Variants in SENP3 observed in about 807,000 individuals in gnomAD.
SENP3 encodes sentrin-specific protease 3.
Under a neutral mutation model 66.2 loss-of-function variants are expected in SENP3, and 11 were observed. That is an observed-to-expected ratio of 0.17 (90% CI 0.10 to 0.28). SENP3 has a LOEUF of 0.28. Ranked by LOEUF, SENP3 falls within the 10% of genes least tolerant of loss-of-function variation. SENP3 has a pLI of 1.00. For missense variants in SENP3, 548 were observed against 743.7 expected (o/e 0.74, Z 3.06); for synonymous variants, 292 against 277.6 (o/e 1.05, Z -0.52).
intron 6 of SENP3, 64 bp downstream of exon 6, chr17:7,565,828 C>T (rs765658171): frequency 7.6e-5 from 104 of 1,375,926 alleles, no homozygotes; most frequent in Non-Finnish European, 1.0e-4. Context: ...GCTTTTTAAG[C>T]TCCTTTCATC....
intron 6 of SENP3, chr17:7,566,120 T>C (rs2071265646): frequency 5.3e-6 from 1 of 189,376 alleles, no homozygotes; most frequent in Non-Finnish European, 1.1e-5. Context: ...GGCGGGTGGA[T>C]CACCTGAGGT....
At chr17:7,567,519 CAA>C (rs556802728) in intron 7 of SENP3, among the ~76,000 whole-genome samples, 6 of 120,010 alleles carry the variant, frequency 5.0e-5, no homozygotes, top group Admixed American at 8.6e-5. Flanking sequence ...AACTCCGTCT[CAA>C]AAAAAAAAAA....
At chr17:7,569,021 C>T (rs556326843) in intron 7 of SENP3, among the ~76,000 whole-genome samples, 1 of 152,268 alleles carries the variant, frequency 6.6e-6, no homozygotes, top group South Asian at 2.1e-4. Context: ...GGAGAGAAAG[C>T]CCCACAAACA....
intron 2 of SENP3, 102 bp downstream of exon 2, chr17:7,563,893 G>T: frequency 9.6e-7 from 1 of 1,042,970 alleles, no homozygotes; most frequent in Non-Finnish European, 1.4e-6. Context: ...TGGGCTTAAG[G>T]AAAGTAGGAT....
At position 7,571,397 on chromosome 17, in the gene SENP3, C is replaced by G; in HGVS notation, c.1639C>G (p.Gln547Glu). ...GTACTGCAAGCATCTGGCCCTGTCT[C>G]AGCCATTCAGCTTCACCCAGCAGGA... ...LQYCKHLALS[Q>E]PFSFTQQDMP... The change falls in exon 11 of 11, where the codon CAG becomes GAG. Residue 547 changes from glutamine (Q) to glutamate (E), a missense_variant. By Grantham distance (29) the Gln-to-Glu change is conservative. This residue lies in a region of SENP3 where 81 missense variants were observed against 139.8 expected (regional missense o/e 0.58). Coordinates refer to ENST00000321337, the MANE Select transcript of SENP3 (RefSeq NM_015670.6). 1.9e-6 allele frequency: 3 copies of G among 1,609,338 alleles called. No homozygotes were observed. Among genetic ancestry groups the G allele is most frequent in the South Asian group, 2.2e-5 (2 of 90,268 alleles).
intron 2 of SENP3, 34 bp downstream of exon 2, chr17:7,563,825 A>C: frequency 4.2e-4 from 275 of 656,938 alleles, no homozygotes; most frequent in Middle Eastern, 1.4e-3. Context: ...GTTGCGGGGG[A>C]GGGGTTAGGG....
chr17:7,567,725 G>C (rs539328805), intron 7 of SENP3, among the ~76,000 whole-genome samples: 3 of 152,228 alleles, frequency 2.0e-5, no homozygotes, highest in Non-Finnish European at 4.4e-5. Context: ...TGTAGTTGGC[G>C]CAGAGTGAGC....
In SENP3 at chr17:7,570,705, G is replaced by C; in HGVS notation, c.1504G>C (p.Glu502Gln). ...GCATATTGCCAAGTATCTACAGGCA[G>C]AGGCGGTAAAGAAAGACCGACTGGA... ...PKHIAKYLQA[E>Q]AVKKDRLDFH... Residue 502 changes from glutamate to glutamine, a missense_variant, in exon 9 of 11, where the codon GAG (glutamate) becomes CAG (glutamine). This residue lies in a region of SENP3 where 81 missense variants were observed against 139.8 expected (regional missense o/e 0.58). Coordinates refer to ENST00000321337, the MANE Select transcript of SENP3 (RefSeq NM_015670.6). This position sits in a 1 kb window ranked among gnomAD's most constrained non-coding sequence, Gnocchi z 5.4. 6.2e-7 allele frequency: 1 copy of C among 1,613,114 alleles called. No homozygotes were observed. Among genetic ancestry groups the C allele is most frequent in the African/African-American group, 1.3e-5 (1 of 75,024 alleles).
intron 3 of SENP3, 26 bp from the exon 4 acceptor site, chr17:7,564,932 AC>A: frequency 1.2e-6 from 2 of 1,608,726 alleles, no homozygotes; most frequent in Non-Finnish European, 8.5e-7. Context: ...TGGAGGCCTC[AC>A]CCCCTCCTCT....
At chr17:7,564,395 C>T (rs976646608) in intron 2 of SENP3, 15 of 700,872 alleles carry the variant, frequency 2.1e-5, no homozygotes, top group Admixed American at 1.7e-4. Flanking sequence ...CTTTTTCTTT[C>T]TTCCTGTCTA....
Position 7,563,373 on chromosome 17 carries a change from C to G in SENP3, c.297C>G (p.Pro99=). The G allele has an allele frequency of 6.4e-7, 1 of 1,551,316 alleles. No homozygotes were observed. The highest frequency in any genetic ancestry group is 8.7e-7 in the Non-Finnish European group (1 of 1,147,014). Residue 99 remains proline, a synonymous_variant, in exon 2 of 11, where the codon CCC becomes CCG. Coordinates refer to ENST00000321337, the MANE Select transcript of SENP3 (RefSeq NM_015670.6). ...EEEEVAAWRL[P]PRWSQLGTSQ... ...AGGAAGTGGCAGCTTGGAGGCTGCC[C>G]CCAAGATGGAGTCAGCTGGGAACCT...
intron 4 of SENP3, 113 bp downstream of exon 4, chr17:7,565,183 G>A (rs2071258161): frequency 5.5e-6 from 5 of 912,764 alleles, no homozygotes; most frequent in Non-Finnish European, 6.8e-6. Context: ...AGCTAGAGCT[G>A]AAGGGGAGGA....
chr17:7,570,500 G>C lies in SENP3; in HGVS notation c.1479+7G>C, dbSNP rs150615265. On this transcript the variant is annotated splice_region_variant and intron_variant, in intron 8 of 10. Coordinates refer to ENST00000321337, the MANE Select transcript of SENP3 (RefSeq NM_015670.6). The surrounding 1 kb of genome is among the most constrained non-coding windows in gnomAD (Gnocchi z 5.4). ...AAACCGCCGCTGCCCTAAGGTTTGA[G>C]GGGGTAGGAGAGAGATGGGCAAAAT... 6 of 1,609,938 alleles carry C rather than the reference G, an allele frequency of 3.7e-6. No individual in the cohort carries two copies. Among genetic ancestry groups the C allele is most frequent in the Middle Eastern group, 1.7e-4 (1 of 5,974 alleles).
intron 7 of SENP3, among the ~76,000 whole-genome samples, chr17:7,569,903 C>T (rs147080850): frequency 6.6e-6 from 1 of 152,198 alleles, no homozygotes; most frequent in Non-Finnish European, 1.5e-5. Context: ...TGGATAGTCA[C>T]TAGTTTAATC....
intron 6 of SENP3, 75 bp downstream of exon 6, chr17:7,565,839 TC>T: frequency 7.7e-7 from 1 of 1,302,520 alleles, no homozygotes; most frequent in South Asian, 1.2e-5. Context: ...TCCTTTCATC[TC>T]TTTCATTTTA....
rs2071319799 is a variant in SENP3, at chr17:7,571,842, TATATA to T, written c.*360_*364del. ...CCTGCCAGATCTTCAAACTTTTATA[TATATA>T]TATATATATATATATATATATATAT... On this transcript the variant is annotated 3_prime_UTR_variant, in exon 11 of 11. Coordinates refer to ENST00000321337, the MANE Select transcript of SENP3 (RefSeq NM_015670.6). 2.0e-4 allele frequency: 4 copies of T among 19,952 alleles called. No homozygotes were observed. Among genetic ancestry groups the T allele is most frequent in the Non-Finnish European group, 2.3e-4 (3 of 13,058 alleles). The allele number at this position is 19,952 out of a possible 1,614,324, so 1.2% of individuals were successfully genotyped here.
chr17:7,566,818 G>A, intron 6 of SENP3, 109 bp from the exon 7 acceptor site: 4 of 828,812 alleles, frequency 4.8e-6, no homozygotes, highest in Non-Finnish European at 5.9e-6. Context: ...AAAAAAAAAA[G>A]AAAAAACCCA....
At chr17:7,569,341 C>T (rs1009352872) in intron 7 of SENP3, among the ~76,000 whole-genome samples, 9 of 144,446 alleles carry the variant, frequency 6.2e-5, no homozygotes, top group Middle Eastern at 3.8e-3. Flanking sequence ...GGCAAGATCA[C>T]GCCACTGCAC....
chr17:7,565,849 T>C, intron 6 of SENP3, 85 bp downstream of exon 6: 1 of 1,193,992 alleles, frequency 8.4e-7, no homozygotes, highest in Admixed American at 1.9e-5. Flanking sequence ...TCTTTCATTT[T>C]ACACAGAGAG....
Sources: gnomAD v4.1 joint callset for allele counts (sites outside exome capture counted in the v4.1 genomes callset) on GRCh38, gnomAD v4.1.1 for gene constraint, gnomAD v4.1.1 regional missense constraint, Gnocchi (gnomAD v3.1) non-coding constraint, MANE v1.5 for transcripts, NCBI Gene and HGNC (gene_info 2026-07-23, HGNC 2026-07-21) for gene names.